The following SLCO1B3 variants were observed in gnomAD, a reference collection of about 807,000 sequenced individuals.
SLCO1B3 encodes liver-specific organic anion transporter 2.
In SLCO1B3, 72 loss-of-function variants were observed where a neutral mutation model predicts 71.8. That is an observed-to-expected ratio of 1.00 (90% confidence interval 0.83 to 1.22). The LOEUF is 1.22. SLCO1B3 is among the 50% of genes most tolerant of loss of function. SLCO1B3 has a pLI of 0.00. For synonymous variants in SLCO1B3, 298 were observed against 278.4 expected (o/e 1.07, Z -0.70); for missense variants, 911 against 819.7 (o/e 1.11, Z -1.36).
chr12:20,818,315 C>G (rs1325092990), intron 3 of SLCO1B3, among the ~76,000 whole-genome samples: 1 of 152,110 alleles, frequency 6.6e-6, no homozygotes, highest in Non-Finnish European at 1.5e-5. Context: ...AAATGCTTGA[C>G]TGATTTGACT....
intron 3 of SLCO1B3, among the ~76,000 whole-genome samples, chr12:20,842,716 T>C (rs186440733): frequency 6.6e-6 from 1 of 152,350 alleles, no homozygotes; most frequent in East Asian, 1.9e-4. Context: ...GCCAATTTAC[T>C]CCCTTCCCTG....
At chr12:20,842,383 A>G (rs1829712693) in intron 3 of SLCO1B3, among the ~76,000 whole-genome samples, 1 of 152,170 alleles carries the variant, frequency 6.6e-6, no homozygotes, top group South Asian at 2.1e-4. Flanking sequence ...TTTTATACCT[A>G]TTAAATCCAT....
chr12:20,836,694 T>G (rs576513707), intron 3 of SLCO1B3, among the ~76,000 whole-genome samples: 8 of 152,276 alleles, frequency 5.3e-5, no homozygotes, highest in African/African-American at 1.9e-4. Flanking sequence ...CAGGCTGGAG[T>G]GCAGTGGTGC....
In SLCO1B3 at chr12:20,852,456, G is replaced by T. The variant is rs1865044535; in HGVS notation, c.85-2572G>T. On this transcript the variant is annotated intron_variant, in intron 3 of 15. Transcript: ENST00000381545. ...ATCACTCCATTGTACTCCAGACTGG[G>T]CAACAGAGCAAGACTCTGTAAAAAT... 2.0e-5 allele frequency among the ~76,000 whole-genome samples: 3 copies of T among 152,140 alleles called. No individual in the cohort carries two copies. The South Asian group carries it at 6.2e-4, about 32-fold the overall frequency.
At chr12:20,828,943 T>C (rs561780735) in intron 3 of SLCO1B3, among the ~76,000 whole-genome samples, 5 of 148,516 alleles carry the variant, frequency 3.4e-5, no homozygotes, top group African/African-American at 9.9e-5. Flanking sequence ...GGCCCTGTTA[T>C]GTACATAAAA....
intron 3 of SLCO1B3, chr12:20,845,085 C>T (rs1382225844): frequency 5.0e-6 from 2 of 398,650 alleles, no homozygotes; most frequent in Non-Finnish European, 9.7e-6. Context: ...GAGATGGATT[C>T]ATTGCTAACC....
chr12:20,898,570 A>G, intron 14 of SLCO1B3, 70 bp downstream of exon 14: 1 of 709,110 alleles, frequency 1.4e-6, no homozygotes. Flanking sequence ...GACTGAATGC[A>G]ATTAATTTTC....
intron 13 of SLCO1B3, among the ~76,000 whole-genome samples, chr12:20,888,207 T>A (rs1471835312): frequency 6.6e-6 from 1 of 151,974 alleles, no homozygotes; most frequent in Non-Finnish European, 1.5e-5. Flanking sequence ...CTAGTCAGAC[T>A]TTTTTGGTTC....
chr12:20,912,802 G>A (rs1280114786), intron 15 of SLCO1B3, among the ~76,000 whole-genome samples: 1 of 148,422 alleles, frequency 6.7e-6, no homozygotes, highest in East Asian at 2.0e-4. Flanking sequence ...GATTACAGGT[G>A]TGAGCCACTG....
In SLCO1B3 at chr12:20,916,210, G is replaced by A. The variant is rs1356952535; in HGVS notation, c.2072G>A (p.Cys691Tyr). Residue 691 changes from cysteine (C) to tyrosine (Y), a missense_variant, in exon 16 of 16, where the codon TGT becomes TAT. By Grantham distance (194) the Cys-to-Tyr change is radical (BLOSUM62 -2). Coordinates refer to ENST00000381545, the MANE Select transcript of SLCO1B3 (RefSeq NM_019844.4). ...TCTGCTGGAACAGATAGTAAAACAT[G>A]TAATTTGGACATGCAAGACAATGCT... ...VPSAGTDSKT[C>Y]NLDMQDNAAA... 1 of 1,613,100 alleles carries A rather than the reference G, an allele frequency of 6.2e-7. No individual in the cohort carries two copies. The highest frequency in any genetic ancestry group is 1.1e-5 in the South Asian group (1 of 91,064).
intron 3 of SLCO1B3, among the ~76,000 whole-genome samples, chr12:20,834,171 G>A (rs200883509): frequency 4.8e-5 from 4 of 83,562 alleles, no homozygotes; most frequent in African/African-American, 1.4e-4. Flanking sequence ...ATCAAACTAT[G>A]TATGTATATA....
intron 2 of SLCO1B3, among the ~76,000 whole-genome samples, chr12:20,814,976 CT>C (rs1297703814): frequency 8.5e-6 from 1 of 117,110 alleles, no homozygotes; most frequent in Non-Finnish European, 1.8e-5. Flanking sequence ...CTTTTCTTTT[CT>C]TTTCTTTTTT....
chr12:20,873,402 C>A (rs1020470929), intron 8 of SLCO1B3, among the ~76,000 whole-genome samples: 2 of 152,094 alleles, frequency 1.3e-5, no homozygotes, highest in Non-Finnish European at 2.9e-5. Context: ...ACCTAGGGGG[C>A]AGGATCTGTG....
At chr12:20,847,632 A>G (rs1864944331) in intron 3 of SLCO1B3, among the ~76,000 whole-genome samples, 1 of 152,152 alleles carries the variant, frequency 6.6e-6, no homozygotes, top group African/African-American at 2.4e-5. Context: ...AACCTTAAGC[A>G]GGCAGAATAC....
intron 3 of SLCO1B3, among the ~76,000 whole-genome samples, chr12:20,823,982 C>A (rs185184531): frequency 6.6e-6 from 1 of 152,082 alleles, no homozygotes; most frequent in Admixed American, 6.5e-5. Context: ...TCTCGAATTA[C>A]GTCCTGTGAT....
At chr12:20,821,458 T>C (rs952663907) in intron 3 of SLCO1B3, among the ~76,000 whole-genome samples, 1 of 151,962 alleles carries the variant, frequency 6.6e-6, no homozygotes, top group East Asian at 1.9e-4. Flanking sequence ...AGGTGGAAGC[T>C]AGTCCATAGT....
chr12:20,810,951 A>G (rs750603410), intron 1 of SLCO1B3, among the ~76,000 whole-genome samples, 187 bp downstream of exon 1: 3 of 152,200 alleles, frequency 2.0e-5, no homozygotes, highest in Non-Finnish European at 2.9e-5. Flanking sequence ...GAAGAGCCTC[A>G]GATTTATATA....
intron 4 of SLCO1B3, 89 bp downstream of exon 4, chr12:20,855,258 C>G (rs180681772): frequency 1.6e-5 from 18 of 1,154,374 alleles, no homozygotes; most frequent in Middle Eastern, 2.6e-4. Flanking sequence ...TGGGTCTGGA[C>G]TAGGTGTAAA....
Position 20,861,152 on chromosome 12 carries a change from G to A in SLCO1B3, c.481+14G>A, listed in dbSNP as rs1301190241. ...TAGTAGAAAAAGGTAAGAATTAATA[G>A]TGACAGTAAAACAAATTCTAGATTG... On this transcript the variant is annotated intron_variant, in intron 6 of 15. Coordinates refer to ENST00000381545, the MANE Select transcript of SLCO1B3 (RefSeq NM_019844.4). 6.4e-7 allele frequency: 1 copy of A among 1,558,874 alleles called. No homozygotes were observed. The highest frequency in any genetic ancestry group is 8.7e-7 in the Non-Finnish European group (1 of 1,154,210).
Sources: allele counts gnomAD v4.1 joint callset (sites outside exome capture counted in the v4.1 genomes callset), GRCh38; gene constraint gnomAD v4.1.1; transcripts MANE v1.5; gene names NCBI Gene and HGNC (gene_info 2026-07-23, HGNC 2026-07-21).